The following PRKAG2 variants were observed in gnomAD, a reference collection of about 807,000 sequenced individuals.
PRKAG2 encodes 5'-AMP-activated protein kinase subunit gamma-2.
PRKAG2 carries 26 observed loss-of-function variants against 69.6 expected under a neutral mutation model. That is an observed-to-expected ratio of 0.37 (90% confidence interval 0.27 to 0.52). The LOEUF (loss-of-function observed/expected upper bound fraction) is 0.52. Ranked by LOEUF, PRKAG2 falls within the 20% of genes least tolerant of loss-of-function variation. The pLI, the probability that PRKAG2 is intolerant of heterozygous loss-of-function variation, is 0.90. For synonymous variants in PRKAG2, 293 were observed against 285.0 expected (o/e 1.03, Z -0.28); for missense variants, 557 against 740.0 (o/e 0.75, Z 2.87).
At position 151,777,250 on chromosome 7, in the gene PRKAG2, A is replaced by G. The variant is rs2076415119; in HGVS notation, c.466+3902T>C. Reference sequence around the variant, plus strand: ...TGTGGACACCAGCAGAGTCATCCCCAGGCCTGTGCCTGCGTTCCCTCACTG... The same window carrying G: ...TGTGGACACCAGCAGAGTCATCCCCGGGCCTGTGCCTGCGTTCCCTCACTG... On this transcript the variant is annotated intron_variant, in intron 3 of 15. Coordinates refer to ENST00000287878, the MANE Select transcript of PRKAG2 (RefSeq NM_016203.4). This position sits in a 1 kb window ranked among gnomAD's most constrained non-coding sequence, Gnocchi z 4.3. 2.0e-5 allele frequency among the ~76,000 whole-genome samples: 3 copies of G among 152,174 alleles called. No individual in the cohort carries two copies. The highest frequency in any genetic ancestry group is 7.2e-5 in the African/African-American group (3 of 41,446).
At chr7:151,755,938 A>C (rs959024945) in intron 3 of PRKAG2, among the ~76,000 whole-genome samples, 1 of 152,198 alleles carries the variant, frequency 6.6e-6, no homozygotes. Flanking sequence ...GCACACCATG[A>C]GGTTCCTCCA....
intron 1 of PRKAG2, among the ~76,000 whole-genome samples, chr7:151,830,484 A>C (rs1020135127): frequency 6.6e-6 from 1 of 151,574 alleles, no homozygotes; most frequent in African/African-American, 2.4e-5. Context: ...TCAGCATCTC[A>C]CTCTCCTTTG....
intron 3 of PRKAG2, among the ~76,000 whole-genome samples, chr7:151,709,265 T>C (rs550295629): frequency 8.6e-4 from 131 of 151,756 alleles, no homozygotes; most frequent in Middle Eastern, 6.8e-3. Flanking sequence ...ATGTGTGACA[T>C]TGTGTGACGA....
chr7:151,608,405 T>C (rs1818013786), intron 5 of PRKAG2, among the ~76,000 whole-genome samples: 1 of 152,236 alleles, frequency 6.6e-6, no homozygotes, highest in South Asian at 2.1e-4. Context: ...AGTTTTGACA[T>C]GCCTGTTAAT....
At chr7:151,673,200 C>T (rs1195130937) in intron 4 of PRKAG2, among the ~76,000 whole-genome samples, 1 of 152,186 alleles carries the variant, frequency 6.6e-6, no homozygotes, top group Non-Finnish European at 1.5e-5. Context: ...CTGTCACTAT[C>T]CCTTCAAATG....
chr7:151,575,197 T>C (rs575656172), intron 7 of PRKAG2, among the ~76,000 whole-genome samples: 2 of 152,308 alleles, frequency 1.3e-5, no homozygotes, highest in South Asian at 2.1e-4. Context: ...ATTTGGCAAA[T>C]CAATGAGAGA....
intron 2 of PRKAG2, among the ~76,000 whole-genome samples, chr7:151,782,428 A>G (rs7776480): frequency 0.42 from 31,418 of 74,166 alleles, 5,626 homozygotes; most frequent in East Asian, 0.51. Context: ...AAGGAAGGAA[A>G]GAAAGAAGGA....
intron 4 of PRKAG2, among the ~76,000 whole-genome samples, chr7:151,672,488 T>G (rs10247362): frequency 0.034 from 5,163 of 152,186 alleles, 317 homozygotes; most frequent in African/African-American, 0.12. Flanking sequence ...CCCCAACTCT[T>G]TCACTTTTCC....
At chr7:151,870,700 T>C (rs550902799) in intron 1 of PRKAG2, among the ~76,000 whole-genome samples, 10 of 152,302 alleles carry the variant, frequency 6.6e-5, no homozygotes, top group Admixed American at 4.6e-4. Flanking sequence ...TCCAGCCGGA[T>C]AGAGGCTATG....
intron 3 of PRKAG2, among the ~76,000 whole-genome samples, chr7:151,687,985 C>A (rs1303599087): frequency 2.3e-5 from 3 of 129,352 alleles, no homozygotes; most frequent in African/African-American, 8.3e-5. Flanking sequence ...AAGGCCAAGA[C>A]TTGGCACTTT....
At chr7:151,625,333 T>C (rs1822576498) in intron 5 of PRKAG2, among the ~76,000 whole-genome samples, 1 of 151,838 alleles carries the variant, frequency 6.6e-6, no homozygotes, top group Non-Finnish European at 1.5e-5. Context: ...GCAAGGCAGT[T>C]TGAGGAAGCT....
At chr7:151,772,380 C>G (rs77461458) in intron 3 of PRKAG2, among the ~76,000 whole-genome samples, 1 of 152,154 alleles carries the variant, frequency 6.6e-6, no homozygotes, top group Non-Finnish European at 1.5e-5. Flanking sequence ...CTTCTCCAAC[C>G]AAAACTCACC....
At chr7:151,740,227 C>A (rs962967410) in intron 3 of PRKAG2, among the ~76,000 whole-genome samples, 21 of 152,252 alleles carry the variant, frequency 1.4e-4, no homozygotes, top group African/African-American at 5.1e-4. Flanking sequence ...GCACAGCAGA[C>A]GCCCGAAGGA....
intron 3 of PRKAG2, among the ~76,000 whole-genome samples, chr7:151,767,069 G>A (rs1339218407): frequency 6.6e-6 from 1 of 152,198 alleles, no homozygotes; most frequent in Non-Finnish European, 1.5e-5. Context: ...CTTAGAAAAA[G>A]GGGAAATTTG....
intron 1 of PRKAG2, among the ~76,000 whole-genome samples, chr7:151,808,022 G>A (rs891943575): frequency 1.3e-5 from 2 of 152,078 alleles, no homozygotes; most frequent in South Asian, 2.1e-4. Context: ...TGAGCACAGG[G>A]ACCGCCCCGC....
At chr7:151,680,556 G>T (rs988887993) in intron 3 of PRKAG2, among the ~76,000 whole-genome samples, 8 of 152,230 alleles carry the variant, frequency 5.3e-5, no homozygotes, top group Non-Finnish European at 1.0e-4. Flanking sequence ...GGAAACACTG[G>T]CTGTCTCCAG....
At chr7:151,691,407 T>C (rs1184590797) in intron 3 of PRKAG2, among the ~76,000 whole-genome samples, 1 of 150,232 alleles carries the variant, frequency 6.7e-6, no homozygotes, top group Non-Finnish European at 1.5e-5. Flanking sequence ...GCAAAACACA[T>C]ATATGATAAA....
At chr7:151,765,327 C>T (rs1429275163) in intron 3 of PRKAG2, among the ~76,000 whole-genome samples, 3 of 152,200 alleles carry the variant, frequency 2.0e-5, no homozygotes, top group African/African-American at 4.8e-5. Flanking sequence ...TTTTCAACAA[C>T]CAGATCTCGT....
chr7:151,633,003 G>A (rs1354865290), intron 4 of PRKAG2: 1 of 152,244 alleles, frequency 6.6e-6, no homozygotes, highest in East Asian at 1.9e-4. Context: ...CTAGCCTCCT[G>A]GAAGGGCAGG....
Sources: allele counts gnomAD v4.1 joint callset (sites outside exome capture counted in the v4.1 genomes callset), GRCh38; gene constraint gnomAD v4.1.1; non-coding constraint Gnocchi (gnomAD v3.1); transcripts MANE v1.5; gene names NCBI Gene and HGNC (gene_info 2026-07-23, HGNC 2026-07-21).